Variants in PPP2R5C observed in about 807,000 individuals in gnomAD.
PPP2R5C encodes the protein protein phosphatase 2 regulatory subunit B'gamma, also known as serine/threonine-protein phosphatase 2A 56 kDa regulatory subunit gamma isoform.
In PPP2R5C, 7 loss-of-function variants were observed where a neutral mutation model predicts 68.9. That is an observed-to-expected ratio of 0.10 (90% CI 0.06 to 0.19). PPP2R5C has a LOEUF of 0.19. PPP2R5C is among the 10% of genes least tolerant of loss of function. The probability of loss-of-function intolerance (pLI) is 1.00; values close to 1 mark genes in which losing one functional copy is unlikely to be tolerated. For missense variants in PPP2R5C, 348 were observed against 641.3 expected, an observed-to-expected ratio of 0.54 and a Z score of 4.94; for synonymous variants, 210 against 222.2, an observed-to-expected ratio of 0.95 and a Z score of 0.49.
At chr14:101,887,015 G>C (rs766897205) in intron 5 of PPP2R5C, among the ~76,000 whole-genome samples, 2 of 152,218 alleles carry the variant, frequency 1.3e-5, no homozygotes, top group Non-Finnish European at 2.9e-5. Context: ...GATTACAGGC[G>C]TGAGCCACCA....
intron 2 of PPP2R5C, among the ~76,000 whole-genome samples, chr14:101,768,128 A>G (rs1661255615): frequency 6.6e-6 from 1 of 152,156 alleles, no homozygotes; most frequent in Non-Finnish European, 1.5e-5. Flanking sequence ...CACTGCCCCC[A>G]CCAACTGTGA....
At chr14:101,919,439 CTCTT>C (rs749599268) in intron 13 of PPP2R5C, among the ~76,000 whole-genome samples, 29 of 152,288 alleles carry the variant, frequency 1.9e-4, no homozygotes, top group Middle Eastern at 3.4e-3. Context: ...ATATATTTCT[CTCTT>C]TGTGGGAGTG....
chr14:101,794,240 T>C (rs988402369), intron 3 of PPP2R5C, among the ~76,000 whole-genome samples: 4 of 152,358 alleles, frequency 2.6e-5, no homozygotes, highest in South Asian at 4.1e-4. Flanking sequence ...TTCATAGTTT[T>C]ATCTCTGTCT....
At chr14:101,831,983 A>G (rs1441371992) in intron 1 of PPP2R5C, among the ~76,000 whole-genome samples, 1 of 152,256 alleles carries the variant, frequency 6.6e-6, no homozygotes, top group Non-Finnish European at 1.5e-5. Context: ...GGAACCATGG[A>G]AAGATTCTAA....
intron 1 of PPP2R5C, among the ~76,000 whole-genome samples, chr14:101,834,434 C>T (rs941684281): frequency 3.3e-5 from 5 of 152,210 alleles, no homozygotes; most frequent in African/African-American, 9.6e-5. Flanking sequence ...CGTCTCAGTA[C>T]GGCTGCTGAG....
At chr14:101,908,248 C>T (rs192216280) in intron 10 of PPP2R5C, among the ~76,000 whole-genome samples, 2 of 152,342 alleles carry the variant, frequency 1.3e-5, no homozygotes, top group Admixed American at 1.3e-4. Context: ...GTTGTAGGGC[C>T]AGCAGCCATG....
chr14:101,927,888 C>T (rs2047338237), exon 14 of PPP2R5C: 1 of 152,218 alleles, frequency 6.6e-6, no homozygotes, highest in Non-Finnish European at 1.5e-5. Flanking sequence ...ACTTCATACA[C>T]TTGCCATTTA....
At chr14:101,892,650 A>G (rs944683235) in intron 6 of PPP2R5C, among the ~76,000 whole-genome samples, 23 of 152,198 alleles carry the variant, frequency 1.5e-4, no homozygotes, top group African/African-American at 4.6e-4. Flanking sequence ...ATGTATATAT[A>G]TAGGAAGAAT....
chr14:101,791,860 T>C (rs1384996503), intron 3 of PPP2R5C, among the ~76,000 whole-genome samples: 1 of 152,214 alleles, frequency 6.6e-6, no homozygotes, highest in Non-Finnish European at 1.5e-5. Context: ...TGACACATTT[T>C]GTTCATGATG....
intron 3 of PPP2R5C, chr14:101,789,573 T>C (rs1338799968): frequency 6.6e-6 from 1 of 152,262 alleles, no homozygotes; most frequent in East Asian, 1.9e-4. Context: ...TGTATTTTCA[T>C]AGTGTTTGGA....
At chr14:101,840,675 T>C (rs2041411273) in intron 1 of PPP2R5C, among the ~76,000 whole-genome samples, 1 of 152,168 alleles carries the variant, frequency 6.6e-6, no homozygotes, top group Non-Finnish European at 1.5e-5. Flanking sequence ...GATTTGGGGT[T>C]CATTCAGCCT....
In PPP2R5C at chr14:101,781,462, G is replaced by A. The variant is rs1310536514; in HGVS notation, c.94-4556G>A. On this transcript the variant is annotated intron_variant, in intron 2 of 14. Coordinates refer to the PPP2R5C transcript ENST00000328724. This position sits in a 1 kb window ranked among gnomAD's most constrained non-coding sequence, Gnocchi z 6.4. ...ACTCCTGTTGTCGCTGCAGACCCGC[G>A]TGGGCTCCCGCCGGGCCCTCCTGCC... 2.6e-5 allele frequency among the ~76,000 whole-genome samples: 4 copies of A among 152,090 alleles called. No homozygotes were observed. Among genetic ancestry groups the A allele is most frequent in the Non-Finnish European group, 4.4e-5 (3 of 67,968 alleles).
At position 101,906,479 on chromosome 14, in the gene PPP2R5C, G is replaced by A. The variant is rs758981289; in HGVS notation, c.1101G>A (p.Leu367=). The A allele has an allele frequency of 6.2e-7, 1 of 1,613,628 alleles. No homozygotes were observed. The highest frequency in any genetic ancestry group is 1.1e-5 in the South Asian group (1 of 90,942). ...TCAGTGACAACGCAGCGAAGATTCT[G>A]CCCATCATGTTTCCTTCCTTGTACC... Residue 367 remains leucine, a synonymous_variant, in exon 10 of 14, where the codon CTG becomes CTA. Transcript: ENST00000334743. The surrounding 1 kb of genome is among the most constrained non-coding windows in gnomAD (Gnocchi z 4.0).
intron 1 of PPP2R5C, chr14:101,831,720 C>T (rs1248412371): frequency 5.7e-6 from 4 of 697,988 alleles, no homozygotes; most frequent in South Asian, 3.0e-5. Flanking sequence ...GCACAAGATT[C>T]GAGACCTATG....
intron 2 of PPP2R5C, among the ~76,000 whole-genome samples, chr14:101,778,278 T>C (rs2037518137): frequency 6.6e-6 from 1 of 152,210 alleles, no homozygotes; most frequent in East Asian, 1.9e-4. Context: ...TTCTTTTTGT[T>C]ATTGAGTTGT....
At position 101,781,795 on chromosome 14, in the gene PPP2R5C, C is replaced by T. The variant is rs2037709815; in HGVS notation, c.94-4223C>T. Among the ~76,000 whole-genome samples the T allele has an allele frequency of 6.6e-6, 1 of 151,790 alleles. No homozygotes were observed. The highest frequency in any genetic ancestry group is 1.5e-5 in the Non-Finnish European group (1 of 67,896). ...CTCCAACCCTCTGCTTGGCCGCCCG[C>T]GAACCGCGCTCTCCCGTTTCCTTTC... On this transcript the variant is annotated intron_variant, in intron 2 of 14. Coordinates refer to the PPP2R5C transcript ENST00000328724. This position sits in a 1 kb window ranked among gnomAD's most constrained non-coding sequence, Gnocchi z 6.4.
At chr14:101,870,892 G>A (rs2043366728) in intron 2 of PPP2R5C, among the ~76,000 whole-genome samples, 1 of 152,068 alleles carries the variant, frequency 6.6e-6, no homozygotes, top group African/African-American at 2.4e-5. Context: ...AAATAGATCT[G>A]TTTATTTCCC....
In PPP2R5C at chr14:101,825,258, T is replaced by G. The variant is rs10129676; in HGVS notation, c.94+15222T>G. On this transcript the variant is annotated intron_variant, in intron 1 of 13. Transcript: ENST00000334743. This position sits in a 1 kb window ranked among gnomAD's most constrained non-coding sequence, Gnocchi z 4.0. ...TGTGTGTGTGTGTGTGTTGATGAAT[T>G]TATTACTTATTAAAAAAATGTAAAG... Among the ~76,000 whole-genome samples, 34,809 of 150,094 alleles carry G rather than the reference T, an allele frequency of 0.23. 4,681 individuals are homozygous for G. Among genetic ancestry groups the G allele is most frequent in the African/African-American group, 0.38 (15,222 of 40,552 alleles).
upstream of PPP2R5C, among the ~76,000 whole-genome samples, chr14:101,807,282 T>A (rs976277290): frequency 7.2e-5 from 11 of 152,226 alleles, no homozygotes; most frequent in Non-Finnish European, 1.2e-4. Context: ...ATACTCTTTA[T>A]TATATTACAT....
Sources: allele counts gnomAD v4.1 joint callset (sites outside exome capture counted in the v4.1 genomes callset), GRCh38; gene constraint gnomAD v4.1.1; non-coding constraint Gnocchi (gnomAD v3.1); transcripts MANE v1.5; gene names NCBI Gene and HGNC (gene_info 2026-07-23, HGNC 2026-07-21).